The following KLHL1 variants were observed in gnomAD, a reference collection of about 807,000 sequenced individuals.
KLHL1 encodes kelch-like protein 1.
Under a neutral mutation model 77.7 loss-of-function variants are expected in KLHL1, and 47 were observed. The observed-to-expected ratio is 0.60, with a 90% CI of 0.48 to 0.77. KLHL1 has a LOEUF of 0.77. Ranked by LOEUF, KLHL1 falls within the 30% of genes least tolerant of loss-of-function variation. The pLI is 0.00. For synonymous variants in KLHL1, 360 were observed against 325.2 expected, an observed-to-expected ratio of 1.11 and a Z score of -1.15; for missense variants, 925 against 910.8, an observed-to-expected ratio of 1.02 and a Z score of -0.20.
chr13:69,883,162 CA>C (rs1189674274), intron 4 of KLHL1, among the ~76,000 whole-genome samples: 1 of 152,152 alleles, frequency 6.6e-6, no homozygotes, highest in Non-Finnish European at 1.5e-5. Flanking sequence ...ATCATGATGA[CA>C]GAATAATATT....
chr13:69,754,723 C>T (rs1378920276), intron 7 of KLHL1, among the ~76,000 whole-genome samples: 1 of 152,158 alleles, frequency 6.6e-6, no homozygotes, highest in African/African-American at 2.4e-5. Context: ...TTAACATTCT[C>T]TCTGTTGCAC....
chr13:69,947,001 C>T (rs1267551928), intron 3 of KLHL1, among the ~76,000 whole-genome samples: 3 of 150,192 alleles, frequency 2.0e-5, no homozygotes, highest in Non-Finnish European at 4.4e-5. Flanking sequence ...AAAACTTGAG[C>T]CTGCCATACA....
intron 6 of KLHL1, among the ~76,000 whole-genome samples, chr13:69,827,027 CTTATAA>C (rs1185197840): frequency 6.7e-6 from 1 of 149,938 alleles, no homozygotes; most frequent in Non-Finnish European, 1.5e-5. Flanking sequence ...GTTCTTCATG[CTTATAA>C]TTAGAATAAA....
chr13:70,062,315 C>A (rs1886910773), intron 1 of KLHL1, among the ~76,000 whole-genome samples: 1 of 152,052 alleles, frequency 6.6e-6, no homozygotes. Context: ...GTATTTACAT[C>A]TAAACTATTG....
At chr13:69,834,468 A>G (rs181904357) in intron 6 of KLHL1, among the ~76,000 whole-genome samples, 17 of 152,124 alleles carry the variant, frequency 1.1e-4, no homozygotes, top group African/African-American at 3.6e-4. Flanking sequence ...GGCTTTTCAC[A>G]TCTTCAAAAT....
chr13:69,813,851 C>T (rs956684468), intron 6 of KLHL1, among the ~76,000 whole-genome samples: 1 of 152,252 alleles, frequency 6.6e-6, no homozygotes, highest in African/African-American at 2.4e-5. Context: ...TAACTCTATT[C>T]CTATCAAATT....
At chr13:69,956,978 G>A (rs1883908163) in intron 3 of KLHL1, among the ~76,000 whole-genome samples, 1 of 151,586 alleles carries the variant, frequency 6.6e-6, no homozygotes, top group Non-Finnish European at 1.5e-5. Context: ...TGAACATAGA[G>A]TGATAAGATA....
At chr13:69,795,335 G>T (rs1877056664) in intron 7 of KLHL1, among the ~76,000 whole-genome samples, 1 of 152,082 alleles carries the variant, frequency 6.6e-6, no homozygotes, top group Non-Finnish European at 1.5e-5. Flanking sequence ...AAAATACAGT[G>T]CTGGGAACAT....
intron 7 of KLHL1, among the ~76,000 whole-genome samples, chr13:69,768,903 C>T (rs6650427): frequency 0.12 from 18,288 of 151,898 alleles, 1,363 homozygotes; most frequent in African/African-American, 0.2. Context: ...TTTAATGTTT[C>T]GATTTATGAT....
At chr13:69,901,974 A>G (rs12428036) in intron 4 of KLHL1, among the ~76,000 whole-genome samples, 8,853 of 151,488 alleles carry the variant, frequency 0.058, 321 homozygotes, top group African/African-American at 0.093. Context: ...ATTTTTTTGT[A>G]TTGTTAGCAG....
At chr13:69,903,861 C>T (rs1393645194) in intron 4 of KLHL1, among the ~76,000 whole-genome samples, 2 of 151,434 alleles carry the variant, frequency 1.3e-5, no homozygotes, top group African/African-American at 2.4e-5. Context: ...AGGATGGTCT[C>T]GAACTCTTGA....
chr13:70,038,581 A>T lies in KLHL1; in HGVS notation c.498-62779T>A, dbSNP rs201579262. ...TTGCCAGCATTTGGGATTGTCATTA[A>T]TTTTTTTTTTTTTTTTTTTTTTTTG... On this transcript the variant is annotated intron_variant, in intron 1 of 10. Transcript: ENST00000377844. Among the ~76,000 whole-genome samples, 25 of 73,054 alleles carry T rather than the reference A, an allele frequency of 3.4e-4. No homozygotes were observed. The East Asian group carries it at 9.8e-3, about 29-fold the overall frequency. 47.9% of individuals were successfully genotyped at this position (73,054 alleles called of 152,430 possible).
chr13:69,952,131 A>G (rs186266336), intron 3 of KLHL1, among the ~76,000 whole-genome samples: 1 of 151,582 alleles, frequency 6.6e-6, no homozygotes, highest in Admixed American at 6.6e-5. Flanking sequence ...GGCAAATAAA[A>G]TAGTAATTTG....
chr13:70,095,432 A>G (rs533640740), intron 1 of KLHL1, among the ~76,000 whole-genome samples: 11 of 152,332 alleles, frequency 7.2e-5, no homozygotes, highest in Non-Finnish European at 1.5e-4. Context: ...AAAATGACAC[A>G]CTAGAGGATT....
intron 1 of KLHL1, among the ~76,000 whole-genome samples, chr13:69,977,198 GA>G (rs1049405604): frequency 5.3e-5 from 8 of 152,010 alleles, no homozygotes; most frequent in African/African-American, 1.9e-4. Context: ...GACACAATGA[GA>G]AAAACAGACA....
At chr13:69,818,013 G>T (rs534197249) in intron 6 of KLHL1, among the ~76,000 whole-genome samples, 2 of 151,942 alleles carry the variant, frequency 1.3e-5, no homozygotes, top group Admixed American at 6.6e-5. Context: ...CTCAGAAGAG[G>T]CCCCAGAAAT....
intron 1 of KLHL1, among the ~76,000 whole-genome samples, chr13:70,001,610 TCTATCTAC>T (rs1247418842): frequency 2.0e-5 from 3 of 150,942 alleles, no homozygotes; most frequent in Non-Finnish European, 3.0e-5. Flanking sequence ...TATCTATCTA[TCTATCTAC>T]CTATCATCTT....
At chr13:69,811,923 G>C (rs1011482785) in intron 6 of KLHL1, among the ~76,000 whole-genome samples, 12 of 152,042 alleles carry the variant, frequency 7.9e-5, no homozygotes, top group Non-Finnish European at 1.8e-4. Context: ...TCTGATCTTA[G>C]TTATTTCTTG....
At chr13:70,091,132 C>T (rs1887663209) in intron 1 of KLHL1, among the ~76,000 whole-genome samples, 1 of 152,010 alleles carries the variant, frequency 6.6e-6, no homozygotes, top group African/African-American at 2.4e-5. Context: ...TTTCTATCAT[C>T]CTTCTCCCTT....
Sources: allele counts gnomAD v4.1 joint callset (sites outside exome capture counted in the v4.1 genomes callset), GRCh38; gene constraint gnomAD v4.1.1; transcripts MANE v1.5; gene names NCBI Gene and HGNC (gene_info 2026-07-23, HGNC 2026-07-21).